Variants in NCKAP5 observed in about 807,000 individuals in gnomAD.
The protein encoded by NCKAP5 is NCK associated protein 5, also known as nck-associated protein 5.
NCKAP5 carries 92 observed loss-of-function variants against 167.0 expected under a neutral mutation model. That is an observed-to-expected ratio of 0.55 (90% confidence interval 0.47 to 0.66). The LOEUF (loss-of-function observed/expected upper bound fraction) is 0.66, where lower values mean the gene tolerates loss of function less well. Among genes scored for constraint, NCKAP5 ranks in the 30% least tolerant of loss-of-function variants. NCKAP5 has a pLI of 0.00. For synonymous variants in NCKAP5, 891 were observed against 877.4 expected (o/e 1.02, Z -0.27); for missense variants, 2,378 against 2,315.0 (o/e 1.03, Z -0.56).
At chr2:132,831,849 T>C (rs1687544248) in intron 11 of NCKAP5, among the ~76,000 whole-genome samples, 1 of 152,140 alleles carries the variant, frequency 6.6e-6, no homozygotes, top group African/African-American at 2.4e-5. Flanking sequence ...ATATGTAATA[T>C]ATTAATCCAT....
intron 19 of NCKAP5, among the ~76,000 whole-genome samples, chr2:132,680,591 T>C (rs898522086): frequency 1.7e-4 from 26 of 152,058 alleles, no homozygotes; most frequent in African/African-American, 6.3e-4. Context: ...AGGATGCATT[T>C]TGAAGATAAA....
chr2:133,649,102 A>C, the NCKAP5 span, among the ~76,000 whole-genome samples: 7 of 151,842 alleles, frequency 4.6e-5, no homozygotes, highest in African/African-American at 1.7e-4. Flanking sequence ...AAAGACGACT[A>C]TGAACAACTA....
intron 3 of NCKAP5, among the ~76,000 whole-genome samples, chr2:133,305,941 A>T (rs1680746735): frequency 2.6e-5 from 4 of 152,268 alleles, no homozygotes; most frequent in Admixed American, 2.0e-4. Context: ...CATTAATCTT[A>T]CATATATTTT....
intron 2 of NCKAP5, among the ~76,000 whole-genome samples, chr2:133,550,944 T>C (rs1046546075): frequency 3.3e-5 from 5 of 151,912 alleles, no homozygotes; most frequent in Admixed American, 2.0e-4. Context: ...AGCATTCTTA[T>C]ACACCAACAA....
At chr2:133,085,118 C>A (rs1402083936) in intron 6 of NCKAP5, among the ~76,000 whole-genome samples, 1 of 152,120 alleles carries the variant, frequency 6.6e-6, no homozygotes, top group South Asian at 2.1e-4. Context: ...TTTTGGCCTG[C>A]AAACTGTAGT....
intron 6 of NCKAP5, among the ~76,000 whole-genome samples, chr2:133,024,821 GAT>G (rs1190469191): frequency 1.3e-5 from 2 of 152,162 alleles, no homozygotes; most frequent in Non-Finnish European, 2.9e-5. Context: ...AACATTTTAT[GAT>G]ATGTTTCCTT....
chr2:132,991,507 A>C (rs557539584), intron 7 of NCKAP5, among the ~76,000 whole-genome samples: 6 of 152,350 alleles, frequency 3.9e-5, no homozygotes, highest in Non-Finnish European at 5.9e-5. Context: ...TATAAATTAC[A>C]CAAGCAACAA....
At chr2:133,203,690 C>A (rs1051909218) in intron 5 of NCKAP5, among the ~76,000 whole-genome samples, 1 of 152,014 alleles carries the variant, frequency 6.6e-6, no homozygotes, top group Non-Finnish European at 1.5e-5. Context: ...TTACCTAAAT[C>A]TAAGTGTCGG....
In NCKAP5 at chr2:133,251,090, CAGCATAA is replaced by C. The variant is rs1184235569; in HGVS notation, c.144-37318_144-37312del. ...TTCTTTAAAAATAAAAAAAAAAACC[CAGCATAA>C]CAGTAATAAGAAAACACAAAGAAAA... is the stretch of plus-strand genomic sequence containing the variant. On this transcript the variant is annotated intron_variant, in intron 4 of 19. Coordinates refer to ENST00000409261, the MANE Select transcript of NCKAP5 (RefSeq NM_207363.3). Among the ~76,000 whole-genome samples, 557 of 151,330 alleles carry C rather than the reference CAGCATAA, an allele frequency of 3.7e-3. 4 individuals are homozygous for C. The highest frequency in any genetic ancestry group is 6.3e-3 in the Non-Finnish European group (428 of 67,848).
intron 6 of NCKAP5, among the ~76,000 whole-genome samples, chr2:133,094,749 TA>T (rs2081293976): frequency 6.6e-6 from 1 of 152,236 alleles, no homozygotes; most frequent in African/African-American, 2.4e-5. Flanking sequence ...TAAGTGGACC[TA>T]ATCTAATCAT....
At position 132,794,307 on chromosome 2, in the gene NCKAP5, G is replaced by GAGAGT. The variant is rs1553443904; in HGVS notation, c.909+2320_909+2321insACTCT. Among the ~76,000 whole-genome samples the GAGAGT allele has an allele frequency of 1.5e-3, 148 of 101,088 alleles. 5 individuals carry two copies. The highest frequency in any genetic ancestry group is 3.3e-3 in the Admixed American group (32 of 9,694). The allele number at this position is 101,088 out of a possible 152,430, so 66.3% of individuals were successfully genotyped here. On this transcript the variant is annotated intron_variant, in intron 12 of 19. Transcript: ENST00000409261. ...AGAGAGAGAGAGAGAGAGAGAGAGAGGGTGGCGGGAAGAGAGAGAGAAAGA... is the reference window on the plus strand; with the variant it reads ...AGAGAGAGAGAGAGAGAGAGAGAGAGAGAGTGGTGGCGGGAAGAGAGAGAGAAAGA...
rs1158629860 is a variant in NCKAP5, at chr2:132,784,905, T to G, written c.1906A>C (p.Lys636Gln). ...SLCGSPEEEE[K>Q]QVPIPSETRP... ...GTCTCTGAAGGGATGGGCACTTGTT[T>G]TTCCTCCTCTTCAGGAGACCCACAT... is the stretch of plus-strand genomic sequence containing the variant. The change falls in exon 14 of 20, where the codon AAA (lysine) becomes CAA (glutamine). Residue 636 changes from lysine to glutamine, a missense_variant. By Grantham distance (53) the Lys-to-Gln change is moderately conservative. Coordinates refer to ENST00000409261, the MANE Select transcript of NCKAP5 (RefSeq NM_207363.3). The G allele has an allele frequency of 6.4e-7, 1 of 1,570,732 alleles. No individual in the cohort carries two copies. The highest frequency in any genetic ancestry group is 2.2e-5 in the East Asian group (1 of 44,502).
chr2:132,835,254 G>A (rs1687807239), intron 11 of NCKAP5, among the ~76,000 whole-genome samples: 1 of 152,070 alleles, frequency 6.6e-6, no homozygotes, highest in Non-Finnish European at 1.5e-5. Flanking sequence ...TATTCATCAG[G>A]AATGTTGGTC....
intron 3 of NCKAP5, among the ~76,000 whole-genome samples, chr2:133,437,588 G>A (rs1195521898): frequency 6.6e-6 from 1 of 152,146 alleles, no homozygotes; most frequent in Non-Finnish European, 1.5e-5. Flanking sequence ...CTGATGTTGG[G>A]GAAGTTCCAC....
At chr2:132,781,538 T>C (rs1683032949) in intron 14 of NCKAP5, among the ~76,000 whole-genome samples, 1 of 152,180 alleles carries the variant, frequency 6.6e-6, no homozygotes, top group Non-Finnish European at 1.5e-5. Context: ...GAAATATAAT[T>C]ATTTCTGGAA....
chr2:133,147,860 C>G (rs1294440879), intron 5 of NCKAP5, among the ~76,000 whole-genome samples: 3 of 152,178 alleles, frequency 2.0e-5, no homozygotes, highest in Non-Finnish European at 2.9e-5. Context: ...GGCAAATCCT[C>G]AGCTTCTGGC....
At chr2:133,470,381 G>C (rs1482846426) in intron 3 of NCKAP5, among the ~76,000 whole-genome samples, 28 of 152,338 alleles carry the variant, frequency 1.8e-4, no homozygotes, top group Admixed American at 1.5e-3. Flanking sequence ...CAGATCTCCA[G>C]CTGCGTGCTG....
In NCKAP5 at chr2:132,785,363, G is replaced by C. The variant is rs1324332097; in HGVS notation, c.1448C>G (p.Ser483Cys). 6.2e-7 allele frequency: 1 copy of C among 1,613,980 alleles called. No individual in the cohort carries two copies. Among genetic ancestry groups the C allele is most frequent in the Admixed American group, 1.7e-5 (1 of 60,028 alleles). The change falls in exon 14 of 20, where the codon TCC (serine) becomes TGC (cysteine). Residue 483 changes from serine (S) to cysteine (C), a missense_variant. By Grantham distance (112) the Ser-to-Cys change is moderately radical. Coordinates refer to ENST00000409261, the MANE Select transcript of NCKAP5 (RefSeq NM_207363.3). ...DSHVDADDDP[S>C]TLALLQAVPN... The stretch of plus-strand genomic sequence containing the variant: ...AACTGCTTGGAGCAATGCTAAGGTG[G>C]AAGGGTCATCGTCCGCATCAACGTG...
chr2:132,999,965 G>A (rs2077726215), intron 6 of NCKAP5, among the ~76,000 whole-genome samples: 1 of 152,152 alleles, frequency 6.6e-6, no homozygotes, highest in Non-Finnish European at 1.5e-5. Flanking sequence ...TTCAATTGAA[G>A]GCTGAACCAA....
Sources: gnomAD v4.1 joint callset for allele counts (sites outside exome capture counted in the v4.1 genomes callset) on GRCh38, gnomAD v4.1.1 for gene constraint, MANE v1.5 for transcripts, NCBI Gene and HGNC (gene_info 2026-07-23, HGNC 2026-07-21) for gene names.